HAT1: variants seen among roughly 807,000 people sequenced by gnomAD.
The protein encoded by HAT1 is histone acetyltransferase type B catalytic subunit.
Under a neutral mutation model 56.6 loss-of-function variants are expected in HAT1, and 20 were observed. The ratio of observed to expected loss-of-function variants is 0.35; its 90% CI spans 0.25 to 0.51. HAT1 has a LOEUF of 0.51. HAT1 is among the 20% of genes least tolerant of loss of function. The pLI, the probability that HAT1 is intolerant of heterozygous loss-of-function variation, is 0.95. For missense variants in HAT1, 408 were observed against 504.3 expected (o/e 0.81, Z 1.83); for synonymous variants, 146 against 165.5 (o/e 0.88, Z 0.91).
chr2:171,969,434 A>C (rs1031679194), intron 8 of HAT1, among the ~76,000 whole-genome samples: 9 of 152,208 alleles, frequency 5.9e-5, no homozygotes, highest in African/African-American at 1.7e-4. Context: ...TAATATGAGA[A>C]GCTTTAAAAA....
At position 171,949,444 on chromosome 2, in the gene HAT1, G is replaced by A. The variant is rs62182441; in HGVS notation, c.188+2661G>A. Among the ~76,000 whole-genome samples the A allele has an allele frequency of 9.7e-3, 1,471 of 152,184 alleles. 13 individuals carry two copies. Among genetic ancestry groups the A allele is most frequent in the Non-Finnish European group, 0.016 (1,078 of 67,974 alleles). On this transcript the variant is annotated intron_variant, in intron 3 of 10. Transcript: ENST00000264108. ...TGTAATCCCAAAACTTTGGGAGGCC[G>A]AGGCGGGAGGTTTGCCTGAGCCAGG...
intron 9 of HAT1, among the ~76,000 whole-genome samples, chr2:171,978,091 C>T (rs1688033397): frequency 7.2e-6 from 1 of 139,708 alleles, no homozygotes; most frequent in African/African-American, 2.7e-5. Flanking sequence ...GGGTCTCTTG[C>T]TCTGTCACCT....
At chr2:171,937,050 G>C (rs1449691066) in intron 2 of HAT1, among the ~76,000 whole-genome samples, 5 of 152,052 alleles carry the variant, frequency 3.3e-5, no homozygotes, top group African/African-American at 1.2e-4. Flanking sequence ...TGCCTCCCAG[G>C]CTCAAGTGAT....
Position 171,943,014 on chromosome 2 carries a change from C to A in HAT1, c.113-3694C>A, listed in dbSNP as rs558493463. Among the ~76,000 whole-genome samples the A allele has an allele frequency of 6.2e-3, 945 of 151,240 alleles. 6 individuals are homozygous for A. The highest frequency in any genetic ancestry group is 9.6e-3 in the Non-Finnish European group (652 of 67,892). On this transcript the variant is annotated intron_variant, in intron 2 of 10. Coordinates refer to ENST00000264108, the MANE Select transcript of HAT1 (RefSeq NM_003642.4). ...AATTTCTAGATTTTCCAAACATTTT[C>A]AAACATTAGAGATGTAGTAGTTGTG...
intron 10 of HAT1, 104 bp from the exon 11 acceptor site, chr2:171,983,081 G>A (rs77465418): frequency 2.9e-5 from 18 of 626,864 alleles, no homozygotes; most frequent in Middle Eastern, 3.5e-4. Context: ...AAGTTTGGGC[G>A]TATTCATACT....
intron 3 of HAT1, among the ~76,000 whole-genome samples, chr2:171,950,272 C>T (rs1687272989): frequency 6.6e-6 from 1 of 151,482 alleles, no homozygotes; most frequent in South Asian, 2.1e-4. Context: ...CCTCCCAGTT[C>T]AAGCGATTCT....
intron 4 of HAT1, among the ~76,000 whole-genome samples, chr2:171,961,891 G>T (rs201415365): frequency 3.2e-4 from 46 of 141,732 alleles, no homozygotes; most frequent in African/African-American, 1.0e-3. Flanking sequence ...TCTTTTGCTT[G>T]TTTTTTTTTT....
chr2:171,944,440 T>C (rs990301008), intron 2 of HAT1, among the ~76,000 whole-genome samples: 2 of 152,208 alleles, frequency 1.3e-5, no homozygotes, highest in African/African-American at 4.8e-5. Flanking sequence ...AAATTTTTGG[T>C]GAGAAAACTT....
chr2:171,932,792 C>T lies in HAT1; in HGVS notation c.112+7151C>T, dbSNP rs537868660. 3.9e-5 allele frequency among the ~76,000 whole-genome samples: 6 copies of T among 152,150 alleles called. No homozygotes were observed. The East Asian group carries it at 5.8e-4, about 15-fold the overall frequency. ...GCTGAGGTGGGAGGATCACTTGAGC[C>T]GGAGAGGTGGAGGTTACAGTGAGCT... On this transcript the variant is annotated intron_variant, in intron 2 of 10. Transcript: ENST00000264108.
chr2:171,933,126 T>C (rs1205422242), intron 2 of HAT1, among the ~76,000 whole-genome samples: 2 of 152,176 alleles, frequency 1.3e-5, no homozygotes, highest in East Asian at 3.9e-4. Context: ...GGTGTGATCA[T>C]GGCTCACTGT....
chr2:171,966,262 C>T (rs369993233), intron 6 of HAT1, 147 bp from the exon 7 acceptor site: 7 of 652,726 alleles, frequency 1.1e-5, no homozygotes, highest in African/African-American at 5.4e-5. Context: ...GTGAATTGTA[C>T]ATTCAGAACA....
chr2:171,966,598 G>C (rs1011374662), intron 7 of HAT1, 85 bp downstream of exon 7: 18 of 742,532 alleles, frequency 2.4e-5, no homozygotes, highest in Non-Finnish European at 4.4e-5. Context: ...TAATAGTGTT[G>C]ATTTGTTTAA....
chr2:171,938,938 G>A (rs966456977), intron 2 of HAT1, among the ~76,000 whole-genome samples: 1 of 151,992 alleles, frequency 6.6e-6, no homozygotes, highest in South Asian at 2.1e-4. Flanking sequence ...ACGGGGTTTC[G>A]CCATGTTGCT....
chr2:171,983,413 C>A lies in HAT1; in HGVS notation c.*61C>A, dbSNP rs1688183873. The A allele has an allele frequency of 1.2e-6, 1 of 814,966 alleles. No homozygotes were observed. Among genetic ancestry groups the A allele is most frequent in the South Asian group, 2.9e-5 (1 of 34,616 alleles). 50.5% of individuals were successfully genotyped at this position (814,966 alleles called of 1,614,324 possible). A position where few individuals can be genotyped will look rare whatever the true frequency, so the allele number is the denominator to read the frequency against. ...TTCTGTACAATGTGCTGTGAAAAAT[C>A]TGATGACTTTAATTTTAAAATCTTG... On this transcript the variant is annotated 3_prime_UTR_variant, in exon 11 of 11. Coordinates refer to ENST00000264108, the MANE Select transcript of HAT1 (RefSeq NM_003642.4).
rs566900811 is a variant in HAT1 at position 171,956,253 on chromosome 2, G to A, written c.309+3252G>A. 8.9e-4 allele frequency among the ~76,000 whole-genome samples: 135 copies of A among 151,424 alleles called. 1 individual carries two copies. The highest frequency in any genetic ancestry group is 1.7e-3 in the Non-Finnish European group (117 of 67,966). The stretch of plus-strand genomic sequence containing the variant: ...AATCCTAGCACTTTGGGAGGCCAAG[G>A]TAGGTAGATCACTTGGGCTCAGGAG... On this transcript the variant is annotated intron_variant, in intron 4 of 10. Coordinates refer to ENST00000264108, the MANE Select transcript of HAT1 (RefSeq NM_003642.4).
chr2:171,979,497 T>C, intron 10 of HAT1, 134 bp downstream of exon 10: 1 of 591,134 alleles, frequency 1.7e-6, no homozygotes, highest in Non-Finnish European at 3.0e-6. Context: ...GAAATATTCT[T>C]CCAGTAATTT....
rs143038231 is a variant in HAT1, at chr2:171,925,601, G to A, written c.72G>A (p.Glu24=). Residue 24 remains glutamate (E), a synonymous_variant, in exon 2 of 11, where the codon GAG becomes GAA. Transcript: ENST00000264108. ...YKSAVEKKLA[E]YKCNTNTAIE... Reference sequence around the variant, plus strand: ...GTGCAGTGGAGAAGAAACTGGCAGAGTACAAATGTAACACCAACACAGCAA... The same window carrying A: ...GTGCAGTGGAGAAGAAACTGGCAGAATACAAATGTAACACCAACACAGCAA... The A allele has an allele frequency of 7.8e-5, 123 of 1,577,594 alleles. No individual in the cohort carries two copies. The African/African-American group carries it at 1.3e-3, about 17-fold the overall frequency.
intron 3 of HAT1, 38 bp downstream of exon 3, chr2:171,946,821 G>A: frequency 1.1e-6 from 1 of 912,732 alleles, no homozygotes; most frequent in African/African-American, 1.7e-5. Context: ...AATTAGTATG[G>A]AAAAAAAAAT....
At chr2:171,970,839 A>G (rs1023879267) in intron 8 of HAT1, among the ~76,000 whole-genome samples, 17 of 150,916 alleles carry the variant, frequency 1.1e-4, no homozygotes, top group African/African-American at 4.1e-4. Flanking sequence ...GTTTTTCTCA[A>G]CCAATTTAGA....
Sources: allele counts gnomAD v4.1 joint callset (sites outside exome capture counted in the v4.1 genomes callset), GRCh38; gene constraint gnomAD v4.1.1; transcripts MANE v1.5; gene names NCBI Gene and HGNC (gene_info 2026-07-23, HGNC 2026-07-21).